The following ITSN1 variants were observed in gnomAD, a reference collection of about 807,000 sequenced individuals.
ITSN1 encodes the protein intersectin-1.
ITSN1 carries 58 observed loss-of-function variants against 239.8 expected under a neutral mutation model. That is an observed-to-expected ratio of 0.24 (90% CI 0.20 to 0.30). The LOEUF (loss-of-function observed/expected upper bound fraction) is 0.30, where lower values mean the gene tolerates loss of function less well. ITSN1 is among the 10% of genes least tolerant of loss of function. ITSN1 has a pLI of 1.00. For missense variants in ITSN1, 1,558 were observed against 2,103.3 expected, an observed-to-expected ratio of 0.74 and a Z score of 5.07; for synonymous variants, 780 against 770.8, an observed-to-expected ratio of 1.01 and a Z score of -0.20.
At position 33,721,187 on chromosome 21, in the gene ITSN1, A is replaced by T; in HGVS notation, c.38A>T (p.Asp13Val). ...TTTCTTTGGATTTTAGGCAGCCTGG[A>T]TATCTGGGCCATAACTGTAGAGGAA... is the stretch of plus-strand genomic sequence containing the variant. ...QFPTPFGGSLDIWAITVEERA... is the reference protein window; with the variant it reads ...QFPTPFGGSLVIWAITVEERA... Residue 13 changes from aspartate to valine, a missense_variant, in exon 3 of 40, where the codon GAT becomes GTT. Physicochemically the swap from Asp to Val is radical, Grantham distance 152. Coordinates refer to ENST00000381318, the MANE Select transcript of ITSN1 (RefSeq NM_003024.3). 6.2e-7 allele frequency: 1 copy of T among 1,612,544 alleles called. No homozygotes were observed. The highest frequency in any genetic ancestry group is 8.5e-7 in the Non-Finnish European group (1 of 1,178,626).
intron 11 of ITSN1, among the ~76,000 whole-genome samples, chr21:33,769,380 G>A (rs2068949398): frequency 6.6e-6 from 1 of 152,184 alleles, no homozygotes; most frequent in Admixed American, 6.5e-5. Flanking sequence ...GATGTATAGA[G>A]ACTTGGAGAG....
chr21:33,816,999 C>A (rs1419829863), intron 22 of ITSN1, among the ~76,000 whole-genome samples: 1 of 152,092 alleles, frequency 6.6e-6, no homozygotes, highest in Non-Finnish European at 1.5e-5. Context: ...GTTGTAAATT[C>A]TCTGCTCATC....
At chr21:33,773,651 A>G (rs1247066028) in intron 12 of ITSN1, among the ~76,000 whole-genome samples, 1 of 152,150 alleles carries the variant, frequency 6.6e-6, no homozygotes, top group East Asian at 1.9e-4. Context: ...CTGTCTCAAA[A>G]AAAGAAAGAA....
chr21:33,890,724 C>A lies in ITSN1; in HGVS notation c.*2424C>A, dbSNP rs1384780543. On this transcript the variant is annotated 3_prime_UTR_variant, in exon 40 of 40. Transcript: ENST00000381318. ...GGCCTCTCTGTTCCTTCACCTCTAC[C>A]TTCTTGACCACCTGGGCTATATTTC... 6.6e-6 allele frequency: 1 copy of A among 152,188 alleles called. No individual in the cohort carries two copies. Among genetic ancestry groups the A allele is most frequent in the Non-Finnish European group, 1.5e-5 (1 of 68,042 alleles). The allele number at this position is 152,188 out of a possible 1,614,324, so 9.4% of individuals were successfully genotyped here.
At chr21:33,822,078 C>T (rs373847884) in intron 24 of ITSN1, among the ~76,000 whole-genome samples, 1 of 152,232 alleles carries the variant, frequency 6.6e-6, no homozygotes, top group Non-Finnish European at 1.5e-5. Context: ...TTCCCTGGGA[C>T]GTTTGAATGA....
chr21:33,821,571 C>T (rs565649400), intron 24 of ITSN1, among the ~76,000 whole-genome samples: 15 of 152,136 alleles, frequency 9.9e-5, no homozygotes, highest in Non-Finnish European at 2.1e-4. Flanking sequence ...AAAGAGGAAC[C>T]TCTGCCTATC....
intron 1 of ITSN1, among the ~76,000 whole-genome samples, chr21:33,648,985 G>A (rs2088249067): frequency 6.6e-6 from 1 of 152,218 alleles, no homozygotes; most frequent in East Asian, 1.9e-4. Flanking sequence ...TTACTCTGTA[G>A]TGGTTTTCCT....
At chr21:33,762,109 G>A in intron 9 of ITSN1, 123 bp downstream of exon 9, 2 of 752,888 alleles carry the variant, frequency 2.7e-6, no homozygotes, top group Non-Finnish European at 4.8e-6. Context: ...CTTAATTTCA[G>A]TGAGTTGTAA....
intron 1 of ITSN1, among the ~76,000 whole-genome samples, chr21:33,663,110 T>C (rs1210561792): frequency 6.6e-6 from 1 of 152,248 alleles, no homozygotes; most frequent in African/African-American, 2.4e-5. Flanking sequence ...GAATTATTTA[T>C]TGAGCACTGT....
chr21:33,646,019 A>G (rs1355172626), intron 1 of ITSN1, among the ~76,000 whole-genome samples: 1 of 152,062 alleles, frequency 6.6e-6, no homozygotes, highest in South Asian at 2.1e-4. Context: ...AACTCAATTA[A>G]ACATTTGTTG....
intron 29 of ITSN1, among the ~76,000 whole-genome samples, chr21:33,851,445 C>A (rs568866290): frequency 1.3e-5 from 2 of 152,012 alleles, no homozygotes; most frequent in African/African-American, 4.8e-5. Context: ...GTCACCCAGG[C>A]TGGAGTGCAG....
chr21:33,718,570 G>A (rs980291835), intron 1 of ITSN1, among the ~76,000 whole-genome samples: 5 of 152,070 alleles, frequency 3.3e-5, no homozygotes, highest in African/African-American at 4.8e-5. Flanking sequence ...GAGGATCCAC[G>A]GATTTTTTTT....
At chr21:33,721,481 T>C (rs1307634945) in intron 3 of ITSN1, among the ~76,000 whole-genome samples, 2 of 152,140 alleles carry the variant, frequency 1.3e-5, no homozygotes, top group African/African-American at 4.8e-5. Flanking sequence ...AACCACTTGT[T>C]TTGTGCATGT....
At chr21:33,838,052 C>T in intron 29 of ITSN1, 1 of 985,736 alleles carries the variant, frequency 1.0e-6, no homozygotes, top group Non-Finnish European at 1.2e-6. Flanking sequence ...CATTTTTTAA[C>T]TAGACTGTGG....
chr21:33,868,378 G>A (rs1982070926), intron 33 of ITSN1, among the ~76,000 whole-genome samples: 1 of 152,356 alleles, frequency 6.6e-6, no homozygotes, highest in South Asian at 2.1e-4. Context: ...GGCGGCGCTC[G>A]TCGGGGAGGC....
intron 4 of ITSN1, among the ~76,000 whole-genome samples, chr21:33,733,573 T>TA (rs1375506689): frequency 6.6e-6 from 1 of 151,978 alleles, no homozygotes; most frequent in Non-Finnish European, 1.5e-5. Flanking sequence ...AGTCAGCAGA[T>TA]AAACAGTTAA....
At chr21:33,881,385 C>T (rs993892313) in intron 34 of ITSN1, among the ~76,000 whole-genome samples, 48 of 136,960 alleles carry the variant, frequency 3.5e-4, no homozygotes, top group Admixed American at 5.6e-4. Context: ...CCAGCCTGGG[C>T]GACAGAGTGA....
chr21:33,709,799 T>C (rs2092359941), intron 1 of ITSN1, among the ~76,000 whole-genome samples: 1 of 152,196 alleles, frequency 6.6e-6, no homozygotes, highest in South Asian at 2.1e-4. Context: ...ATATAAATAG[T>C]GATATCTGTA....
chr21:33,761,141 T>C (rs2068290394), intron 8 of ITSN1, among the ~76,000 whole-genome samples: 1 of 151,996 alleles, frequency 6.6e-6, no homozygotes, highest in Non-Finnish European at 1.5e-5. Context: ...AGTGGCATAA[T>C]CTTGGCTCAC....
Sources: gnomAD v4.1 joint callset for allele counts (sites outside exome capture counted in the v4.1 genomes callset) on GRCh38, gnomAD v4.1.1 for gene constraint, MANE v1.5 for transcripts, NCBI Gene and HGNC (gene_info 2026-07-23, HGNC 2026-07-21) for gene names.